KLHL29: variants seen among roughly 807,000 people sequenced by gnomAD.
KLHL29 encodes the protein kelch-like protein 29.
KLHL29 carries 21 observed loss-of-function variants against 80.4 expected under a neutral mutation model. That is an observed-to-expected ratio of 0.26 (90% CI 0.19 to 0.38). KLHL29 has a LOEUF of 0.38. Ranked by LOEUF, KLHL29 falls within the 10% of genes least tolerant of loss-of-function variation. The probability of loss-of-function intolerance (pLI) is 1.00; values close to 1 mark genes in which losing one functional copy is unlikely to be tolerated. For synonymous variants in KLHL29, 511 were observed against 526.8 expected (o/e 0.97, Z 0.41); for missense variants, 867 against 1,223.9 (o/e 0.71, Z 4.35).
chr2:23,667,754 G>A (rs1001692808), intron 5 of KLHL29: 2 of 152,398 alleles, frequency 1.3e-5, no homozygotes, highest in Admixed American at 1.3e-4. Flanking sequence ...TGGGGCCCGG[G>A]GTCTGTTCTA....
intron 2 of KLHL29, among the ~76,000 whole-genome samples, chr2:23,560,358 C>T (rs529661754): frequency 4.3e-4 from 62 of 143,140 alleles, no homozygotes; most frequent in Middle Eastern, 4.4e-3. Flanking sequence ...GCAACCTCTG[C>T]CTCCCAAGTT....
chr2:23,543,294 C>T (rs538539587), intron 2 of KLHL29, among the ~76,000 whole-genome samples: 36 of 152,214 alleles, frequency 2.4e-4, no homozygotes, highest in Admixed American at 1.3e-4. Flanking sequence ...GAGTGTTGTC[C>T]AGCTGTGGTC....
rs113987698 is a variant in KLHL29, at chr2:23,480,430, T to C, written c.-46+4763T>C. The stretch of plus-strand genomic sequence containing the variant: ...TGAAAGTGGGAGGTGGAGGTTGCAG[T>C]GAGCTGAGATCGCACCACTGCACCA... On this transcript the variant is annotated intron_variant, in intron 2 of 13. Coordinates refer to ENST00000486442, the MANE Select transcript of KLHL29 (RefSeq NM_052920.2). 7.8e-4 allele frequency among the ~76,000 whole-genome samples: 119 copies of C among 152,068 alleles called. 3 individuals carry two copies. Among genetic ancestry groups the C allele is most frequent in the African/African-American group, 2.7e-3 (113 of 41,464 alleles).
intron 13 of KLHL29, among the ~76,000 whole-genome samples, chr2:23,706,087 T>C (rs999777774): frequency 8.5e-5 from 13 of 152,108 alleles, no homozygotes; most frequent in African/African-American, 2.9e-4. Context: ...TTATTCTCTC[T>C]CGTCATTCTT....
At position 23,503,191 on chromosome 2, in the gene KLHL29, G is replaced by C. The variant is rs978500120; in HGVS notation, c.-46+27524G>C. Among the ~76,000 whole-genome samples, 1 of 152,228 alleles carries C rather than the reference G, an allele frequency of 6.6e-6. No individual in the cohort carries two copies. The highest frequency in any genetic ancestry group is 2.4e-5 in the African/African-American group (1 of 41,452). ...CAAGGGCAGGCAGATCTGAGTGGAG[G>C]CTGCTGTCCTGTGAAGTAGACCTGG... On this transcript the variant is annotated intron_variant, in intron 2 of 13. Coordinates refer to ENST00000486442, the MANE Select transcript of KLHL29 (RefSeq NM_052920.2). The surrounding 1 kb of genome is among the most constrained non-coding windows in gnomAD (Gnocchi z 4.0).
At position 23,446,017 on chromosome 2, in the gene KLHL29, C is replaced by T. The variant is rs186574523; in HGVS notation, c.-153-29543C>T. 3.1e-3 allele frequency among the ~76,000 whole-genome samples: 479 copies of T among 152,068 alleles called. 1 individual carries two copies. The highest frequency in any genetic ancestry group is 5.0e-3 in the Non-Finnish European group (342 of 67,960). On this transcript the variant is annotated intron_variant, in intron 1 of 13. Transcript: ENST00000486442. Reference sequence around the variant, plus strand: ...TAAATTGCAAATGGTTTCCTTTCTTCGTTTTTTCATTTTTTAACTTATATT... The same window carrying T: ...TAAATTGCAAATGGTTTCCTTTCTTTGTTTTTTCATTTTTTAACTTATATT...
intron 1 of KLHL29, among the ~76,000 whole-genome samples, chr2:23,423,598 G>GC (rs1482219096): frequency 1.3e-5 from 2 of 152,194 alleles, no homozygotes; most frequent in African/African-American, 4.8e-5. Context: ...CTACGACTTG[G>GC]CGGGTCTGTT....
chr2:23,620,558 C>T (rs1383433804), intron 3 of KLHL29, among the ~76,000 whole-genome samples: 1 of 152,152 alleles, frequency 6.6e-6, no homozygotes, highest in Non-Finnish European at 1.5e-5. Context: ...GAGGCCAGCT[C>T]TGGGACAGAG....
At chr2:23,567,772 G>T (rs1418278549) in intron 3 of KLHL29, among the ~76,000 whole-genome samples, 1 of 152,224 alleles carries the variant, frequency 6.6e-6, no homozygotes, top group Non-Finnish European at 1.5e-5. Flanking sequence ...GCCTTGCCGA[G>T]TGGGCTCAGT....
intron 1 of KLHL29, among the ~76,000 whole-genome samples, chr2:23,440,570 A>G (rs1477031070): frequency 6.6e-6 from 1 of 152,282 alleles, no homozygotes; most frequent in Non-Finnish European, 1.5e-5. Context: ...AATTTTCACA[A>G]CCTACTCATC....
At chr2:23,471,764 G>A (rs891603352) in intron 1 of KLHL29, among the ~76,000 whole-genome samples, 1 of 152,162 alleles carries the variant, frequency 6.6e-6, no homozygotes, top group African/African-American at 2.4e-5. Context: ...AAGCCCTGAA[G>A]CAATCTCTTT....
intron 2 of KLHL29, among the ~76,000 whole-genome samples, chr2:23,558,238 G>A (rs1454048158): frequency 6.6e-6 from 1 of 152,124 alleles, no homozygotes; most frequent in African/African-American, 2.4e-5. Flanking sequence ...CAACCCTAGG[G>A]ATGCAGTGTC....
intron 1 of KLHL29, among the ~76,000 whole-genome samples, chr2:23,414,335 C>G (rs527560554): frequency 2.0e-5 from 3 of 151,264 alleles, no homozygotes; most frequent in African/African-American, 7.3e-5. Flanking sequence ...GTGGGGGCCG[C>G]GCAGACGGAT....
chr2:23,661,876 T>C (rs4665627), intron 5 of KLHL29, among the ~76,000 whole-genome samples: 81,994 of 152,170 alleles, frequency 0.54, 24,098 homozygotes, highest in East Asian at 0.77. Flanking sequence ...TGCCTGCCCT[T>C]GTATAGGAGG....
intron 3 of KLHL29, among the ~76,000 whole-genome samples, chr2:23,598,055 G>A (rs1008170866): frequency 3.3e-5 from 5 of 152,204 alleles, no homozygotes; most frequent in African/African-American, 1.2e-4. Context: ...AGGCTGGGCC[G>A]CTCTGAAGTT....
rs1390504834 is a variant in KLHL29 at position 23,476,378 on chromosome 2, T to C, written c.-46+711T>C. On this transcript the variant is annotated intron_variant, in intron 2 of 13. Transcript: ENST00000486442. ...ATTATAAAGGGATTTTAAAGGATAG[T>C]AGCTAAAAGTATATAAATGACTTAT... 7.2e-5 allele frequency among the ~76,000 whole-genome samples: 11 copies of C among 152,316 alleles called. No individual in the cohort carries two copies. In the South Asian group the frequency reaches 1.4e-3, roughly 20 times the overall value.
chr2:23,404,729 G>A (rs1028037712), intron 1 of KLHL29, among the ~76,000 whole-genome samples: 3 of 152,232 alleles, frequency 2.0e-5, no homozygotes, highest in African/African-American at 7.2e-5. Flanking sequence ...GAGCCTGTAA[G>A]CCAACACTTC....
intron 5 of KLHL29, among the ~76,000 whole-genome samples, chr2:23,655,277 A>G (rs1670214384): frequency 6.6e-6 from 1 of 152,224 alleles, no homozygotes; most frequent in Non-Finnish European, 1.5e-5. Context: ...TCGCCAATGC[A>G]ATAAAGTTAA....
intron 3 of KLHL29, among the ~76,000 whole-genome samples, chr2:23,611,697 A>G (rs906361803): frequency 6.6e-6 from 1 of 152,240 alleles, no homozygotes; most frequent in African/African-American, 2.4e-5. Context: ...TAGGGGTTCC[A>G]GATATATTGG....
Sources: gnomAD v4.1 joint callset for allele counts (sites outside exome capture counted in the v4.1 genomes callset) on GRCh38, gnomAD v4.1.1 for gene constraint, Gnocchi (gnomAD v3.1) non-coding constraint, MANE v1.5 for transcripts, NCBI Gene and HGNC (gene_info 2026-07-23, HGNC 2026-07-21) for gene names.